CDH13: variants seen among roughly 807,000 people sequenced by gnomAD.
CDH13 encodes cadherin 13, also known as cadherin-13.
Under a neutral mutation model 63.8 loss-of-function variants are expected in CDH13, and 24 were observed. That is an observed-to-expected ratio of 0.38 (90% CI 0.27 to 0.53). The LOEUF (loss-of-function observed/expected upper bound fraction) is 0.53. CDH13 is among the 20% of genes least tolerant of loss of function. CDH13 has a pLI of 0.85. For synonymous variants in CDH13, 503 were observed against 355.3 expected, an observed-to-expected ratio of 1.42 and a Z score of -4.67; for missense variants, 1,049 against 903.1, an observed-to-expected ratio of 1.16 and a Z score of -2.07.
chr16:82,897,293 A>G (rs960130479), intron 2 of CDH13, among the ~76,000 whole-genome samples: 1 of 152,212 alleles, frequency 6.6e-6, no homozygotes. Context: ...GTAGCTGATC[A>G]ATGTACTTCC....
intron 3 of CDH13, among the ~76,000 whole-genome samples, chr16:83,060,610 A>G (rs957550365): frequency 6.6e-6 from 1 of 152,218 alleles, no homozygotes; most frequent in Non-Finnish European, 1.5e-5. Context: ...CTTGTAAGTA[A>G]TGAAACTCTC....
At chr16:83,436,633 G>T (rs2072313660) in intron 6 of CDH13, among the ~76,000 whole-genome samples, 1 of 152,236 alleles carries the variant, frequency 6.6e-6, no homozygotes, top group African/African-American at 2.4e-5. Context: ...CTCTTTGAAA[G>T]AACTTAGTGC....
chr16:83,311,121 C>T (rs187074435), intron 5 of CDH13, among the ~76,000 whole-genome samples: 1 of 152,318 alleles, frequency 6.6e-6, no homozygotes, highest in Admixed American at 6.5e-5. Flanking sequence ...CAAAACTCTG[C>T]CATGTCTGTG....
At chr16:82,661,155 T>C (rs1434114408) in intron 1 of CDH13, among the ~76,000 whole-genome samples, 1 of 152,194 alleles carries the variant, frequency 6.6e-6, no homozygotes, top group African/African-American at 2.4e-5. Context: ...CTTTTCATCC[T>C]GATGGAGCAA....
chr16:82,951,685 C>G (rs1905317172), intron 2 of CDH13, among the ~76,000 whole-genome samples: 1 of 152,172 alleles, frequency 6.6e-6, no homozygotes, highest in South Asian at 2.1e-4. Context: ...GCAGGGAGGC[C>G]CAGGTAACTC....
chr16:83,148,549 G>A (rs1449828516), intron 4 of CDH13, among the ~76,000 whole-genome samples: 5 of 152,224 alleles, frequency 3.3e-5, no homozygotes, highest in African/African-American at 1.2e-4. Context: ...TTATGCACCT[G>A]CACAGTGGAG....
chr16:83,145,579 T>A (rs895609693), intron 4 of CDH13, among the ~76,000 whole-genome samples: 4 of 152,340 alleles, frequency 2.6e-5, no homozygotes, highest in African/African-American at 9.6e-5. Context: ...ACGCCATCAT[T>A]CAGGGTCCCA....
intron 2 of CDH13, among the ~76,000 whole-genome samples, chr16:82,908,186 G>A (rs372868037): frequency 2.6e-5 from 4 of 152,118 alleles, no homozygotes; most frequent in East Asian, 1.9e-4. Flanking sequence ...AAAGGAAAAC[G>A]TCTGGAACCT....
intron 11 of CDH13, among the ~76,000 whole-genome samples, chr16:83,761,693 G>C (rs1488894079): frequency 6.6e-6 from 1 of 152,134 alleles, no homozygotes; most frequent in East Asian, 1.9e-4. Context: ...ACTATGTACA[G>C]GGAAACCTTT....
At chr16:83,701,522 G>C (rs1906228749) in intron 10 of CDH13, among the ~76,000 whole-genome samples, 1 of 152,162 alleles carries the variant, frequency 6.6e-6, no homozygotes, top group African/African-American at 2.4e-5. Context: ...CCGTGTGGGA[G>C]ACTGAAGCTA....
At chr16:82,905,402 C>T (rs1044401810) in intron 2 of CDH13, among the ~76,000 whole-genome samples, 1 of 151,412 alleles carries the variant, frequency 6.6e-6, no homozygotes, top group African/African-American at 2.4e-5. Flanking sequence ...AAAAGAAAAA[C>T]AGGACTTGGG....
chr16:83,533,749 T>C (rs556872050), intron 7 of CDH13, among the ~76,000 whole-genome samples: 13 of 151,166 alleles, frequency 8.6e-5, no homozygotes, highest in African/African-American at 2.7e-4. Context: ...CCCTCCTGAG[T>C]AGCTGGGATT....
intron 10 of CDH13, among the ~76,000 whole-genome samples, chr16:83,713,071 A>G (rs1908305219): frequency 6.6e-6 from 1 of 152,206 alleles, no homozygotes; most frequent in South Asian, 2.1e-4. Context: ...CCTTTTACTA[A>G]TGTATGGATT....
Position 82,644,438 on chromosome 16 carries a change from G to T in CDH13, c.45+17301G>T, listed in dbSNP as rs1909831330. On this transcript the variant is annotated intron_variant, in intron 1 of 13. Transcript: ENST00000567109. The surrounding 1 kb of genome is among the most constrained non-coding windows in gnomAD (Gnocchi z 5.7). ...GTACTCCTGTCTGCCCTCACTCGTG[G>T]GTTGATGATTTCTATCCTTTGTCAT... 6.6e-6 allele frequency among the ~76,000 whole-genome samples: 1 copy of T among 152,146 alleles called. No individual in the cohort carries two copies. Among genetic ancestry groups the T allele is most frequent in the African/African-American group, 2.4e-5 (1 of 41,432 alleles).
At chr16:82,790,238 C>T (rs548485481) in intron 1 of CDH13, among the ~76,000 whole-genome samples, 1 of 152,240 alleles carries the variant, frequency 6.6e-6, no homozygotes, top group African/African-American at 2.4e-5. Flanking sequence ...AGTTCAAGAC[C>T]AGCCTGATCA....
chr16:83,783,522 A>C (rs374859274), intron 13 of CDH13, 50 bp downstream of exon 13: 1 of 1,431,636 alleles, frequency 7.0e-7, no homozygotes. Flanking sequence ...TTGTAACTTC[A>C]CTGGGTTCGT....
In CDH13 at chr16:82,728,532, C is replaced by T. The variant is rs532656095; in HGVS notation, c.45+101395C>T. Among the ~76,000 whole-genome samples the T allele has an allele frequency of 5.9e-5, 9 of 152,154 alleles. No individual in the cohort carries two copies. In the East Asian group the frequency reaches 7.7e-4, roughly 13 times the overall value. ...GTTTGAAATAGTATTATGTCTAAAA[C>T]GTGTGCATACCTTAATTTAAAAATA... On this transcript the variant is annotated intron_variant, in intron 1 of 13. Coordinates refer to ENST00000567109, the MANE Select transcript of CDH13 (RefSeq NM_001257.5).
intron 1 of CDH13, among the ~76,000 whole-genome samples, chr16:82,665,669 A>G (rs1226253240): frequency 6.6e-6 from 1 of 152,026 alleles, no homozygotes; most frequent in African/African-American, 2.4e-5. Flanking sequence ...CAACTATGTC[A>G]TGCCTCAACT....
intron 3 of CDH13, among the ~76,000 whole-genome samples, chr16:83,095,160 A>G (rs2034131444): frequency 6.6e-6 from 1 of 152,230 alleles, no homozygotes; most frequent in Admixed American, 6.5e-5. Flanking sequence ...TGGTATAAAT[A>G]CTCACACTGT....
Sources: gnomAD v4.1 joint callset for allele counts (sites outside exome capture counted in the v4.1 genomes callset) on GRCh38, gnomAD v4.1.1 for gene constraint, Gnocchi (gnomAD v3.1) non-coding constraint, MANE v1.5 for transcripts, NCBI Gene and HGNC (gene_info 2026-07-23, HGNC 2026-07-21) for gene names.